Variants in MICALL2 observed in about 807,000 individuals in gnomAD.
MICALL2 encodes the protein MICAL like 2.
A neutral mutation model predicts 91.1 loss-of-function variants in MICALL2; 111 were observed. The observed-to-expected ratio is 1.22, with a 90% CI of 1.04 to 1.43. MICALL2 has a LOEUF of 1.43. MICALL2 is among the 40% of genes most tolerant of loss of function. The pLI, the probability that MICALL2 is intolerant of heterozygous loss-of-function variation, is 0.00. For missense variants in MICALL2, 1,556 were observed against 1,236.0 expected (o/e 1.26, Z -3.88); for synonymous variants, 694 against 525.3 (o/e 1.32, Z -4.39).
chr7:1,458,956 T>C (rs1244938290), intron 1 of MICALL2, among the ~76,000 whole-genome samples: 1 of 152,192 alleles, frequency 6.6e-6, no homozygotes, highest in Non-Finnish European at 1.5e-5. Flanking sequence ...GAGTCACGTC[T>C]GACTCAGCCG....
rs145198383 is a variant in MICALL2, at chr7:1,445,284, G to C, written c.786C>G (p.Ala262=). ...LTGLVPRQPG[A]MGVDSRTSCS... is the part of the protein sequence containing the mutation. ...AGGAGGTCCTGGAATCCACACCCAT[G>C]GCCCCTGGCTGTCGGGGGACCAGAC... Residue 262 remains alanine (A), a synonymous_variant, in exon 6 of 17, where the codon GCC becomes GCG. Transcript: ENST00000297508. The C allele has an allele frequency of 6.2e-7, 1 of 1,612,268 alleles. No individual in the cohort carries two copies. The highest frequency in any genetic ancestry group is 1.3e-5 in the African/African-American group (1 of 74,928).
intron 6 of MICALL2, among the ~76,000 whole-genome samples, 160 bp from the exon 7 acceptor site, chr7:1,442,644 T>TG (rs1179343654): frequency 6.9e-6 from 1 of 144,990 alleles, no homozygotes; most frequent in African/African-American, 2.6e-5. Flanking sequence ...CCCCCACCAT[T>TG]GCGCCAGGCC....
In MICALL2 at chr7:1,459,426, C is replaced by G; in HGVS notation, c.-100G>C. ...GGCGGGACAGACGCTGGGACCGCTA[C>G]GGAACCGCCAGACCCACGGCGCCCA... is the stretch of plus-strand genomic sequence containing the variant. On this transcript the variant is annotated 5_prime_UTR_variant, in exon 1 of 17. Transcript: ENST00000297508. 8.5e-7 allele frequency: 1 copy of G among 1,179,222 alleles called. No individual in the cohort carries two copies. Among genetic ancestry groups the G allele is most frequent in the Non-Finnish European group, 1.1e-6 (1 of 903,676 alleles). 73.0% of individuals were successfully genotyped at this position (1,179,222 alleles called of 1,614,324 possible).
chr7:1,455,549 C>T (rs1178321239), intron 1 of MICALL2, among the ~76,000 whole-genome samples: 1 of 147,498 alleles, frequency 6.8e-6, no homozygotes, highest in African/African-American at 2.4e-5. Flanking sequence ...GGACACCTCT[C>T]TGTACCTGTG....
rs760369735 is a variant in MICALL2 at position 1,444,789 on chromosome 7, G to A, written c.1281C>T (p.Pro427=). ...RNKFFQTSAV[P]PGTSLSGRGP... The stretch of plus-strand genomic sequence containing the variant: ...CTCTGCCAGAAAGGCTGGTGCCGGG[G>A]GGCACTGCTGATGTTTGGAAAAACT... The change falls in exon 6 of 17, where the codon CCC becomes CCT. Residue 427 remains proline, a synonymous_variant. Transcript: ENST00000297508. The A allele has an allele frequency of 2.5e-6, 4 of 1,611,712 alleles. No individual in the cohort carries two copies. Among genetic ancestry groups the A allele is most frequent in the South Asian group, 2.2e-5 (2 of 91,048 alleles).
chr7:1,454,166 T>C (rs1257384772), intron 1 of MICALL2, among the ~76,000 whole-genome samples: 1 of 71,898 alleles, frequency 1.4e-5, no homozygotes, highest in Non-Finnish European at 2.7e-5. Context: ...CGCCATGGAG[T>C]GGGGAGGGCG....
intron 3 of MICALL2, 125 bp from the exon 4 acceptor site, chr7:1,447,890 G>T: frequency 1.4e-6 from 1 of 718,526 alleles, no homozygotes; most frequent in Non-Finnish European, 2.1e-6. Context: ...GCCCAGGGCT[G>T]GGGAGAGGTA....
intron 1 of MICALL2, among the ~76,000 whole-genome samples, chr7:1,458,057 A>C (rs1455903877): frequency 6.6e-6 from 1 of 152,252 alleles, no homozygotes; most frequent in Non-Finnish European, 1.5e-5. Flanking sequence ...CAAACGCCAA[A>C]TGGAAGCCCC....
Position 1,442,335 on chromosome 7 carries a change from C to T in MICALL2, c.1568G>A (p.Ser523Asn), listed in dbSNP as rs780277245. 4.7e-5 allele frequency: 76 copies of T among 1,613,170 alleles called. No individual in the cohort carries two copies. The highest frequency in any genetic ancestry group is 6.3e-5 in the Non-Finnish European group (74 of 1,179,846). The part of the protein sequence containing the change: ...RMEPPAPLST[S>N]STSQASALPP... ...CAACGCGGATGCCTGAGAGGTACTG[C>T]TCGTGCTCAGCGGGGCTGGCGGTTC... The change falls in exon 7 of 17, where the codon AGC becomes AAC. Residue 523 changes from serine (S) to asparagine (N), a missense_variant. Coordinates refer to ENST00000297508, the MANE Select transcript of MICALL2 (RefSeq NM_182924.4).
At chr7:1,439,445 C>T (rs777806584) in intron 9 of MICALL2, 4 of 180,550 alleles carry the variant, frequency 2.2e-5, no homozygotes, top group Non-Finnish European at 4.2e-5. Context: ...CACATGGACA[C>T]ACATGCATCG....
intron 1 of MICALL2, among the ~76,000 whole-genome samples, chr7:1,456,808 G>C (rs890923565): frequency 6.6e-6 from 1 of 151,998 alleles, no homozygotes; most frequent in Non-Finnish European, 1.5e-5. Flanking sequence ...CCATACAAGC[G>C]CATGTCCCCA....
At chr7:1,435,541 G>T (rs1024392720) in intron 15 of MICALL2, among the ~76,000 whole-genome samples, 1 of 152,232 alleles carries the variant, frequency 6.6e-6, no homozygotes, top group Non-Finnish European at 1.5e-5. Context: ...GGAGGGCCTG[G>T]GCCGACCACA....
At chr7:1,454,181 G>C (rs1187342374) in intron 1 of MICALL2, among the ~76,000 whole-genome samples, 1 of 152,018 alleles carries the variant, frequency 6.6e-6, no homozygotes, top group Non-Finnish European at 1.5e-5. Context: ...AGGGCGGGGG[G>C]GTGCAGGACT....
intron 6 of MICALL2, 100 bp downstream of exon 6, chr7:1,444,552 G>A: frequency 8.3e-7 from 1 of 1,197,736 alleles, no homozygotes; most frequent in South Asian, 1.5e-5. Flanking sequence ...AGGCCACACA[G>A]CCAGGGAGGT....
intron 7 of MICALL2, 93 bp downstream of exon 7, chr7:1,442,096 CTGA>C (rs1780309032): frequency 7.3e-6 from 10 of 1,372,410 alleles, no homozygotes; most frequent in African/African-American, 2.9e-5. Flanking sequence ...GCGGGCGGGG[CTGA>C]TGATGAAACC....
Position 1,437,934 on chromosome 7 carries a change from G to C in MICALL2, c.2358C>G (p.His786Gln). The stretch of plus-strand genomic sequence containing the variant: ...CCTGTCTCAGCAGAAGCTGCTTCTC[G>C]TGAATGAGCCAGAACCAGTCCACCA... ...SLMVDWFWLI[H>Q]EKQLLLRQES... The change falls in exon 13 of 17, where the codon CAC (histidine) becomes CAG (glutamine). Residue 786 changes from histidine (H) to glutamine (Q), a missense_variant. Coordinates refer to ENST00000297508, the MANE Select transcript of MICALL2 (RefSeq NM_182924.4). The C allele has an allele frequency of 1.3e-6, 2 of 1,549,768 alleles. No individual in the cohort carries two copies. Among genetic ancestry groups the C allele is most frequent in the Non-Finnish European group, 1.7e-6 (2 of 1,147,036 alleles).
chr7:1,440,993 G>C (rs777898616), intron 7 of MICALL2: 2 of 397,686 alleles, frequency 5.0e-6, no homozygotes, highest in Non-Finnish European at 9.6e-6. Context: ...CTGTCCACCT[G>C]TGCAAGGGGA....
At chr7:1,438,775 T>C in intron 10 of MICALL2, 65 bp downstream of exon 10, 3 of 1,534,286 alleles carry the variant, frequency 2.0e-6, no homozygotes, top group East Asian at 4.6e-5. Flanking sequence ...CAGCAGGCAT[T>C]GCCTCCTCAG....
chr7:1,450,268 T>G lies in MICALL2; in HGVS notation c.164A>C (p.Lys55Thr). ...TTTATTGTTTTCATAAATATTTTCC[T>G]TCTTGAGAGCACTGAAGTTTCTGGA... ...PDLINFSALK[K>T]ENIYENNKLA... The change falls in exon 2 of 17, where the codon AAG becomes ACG. Residue 55 changes from lysine to threonine, a missense_variant. Transcript: ENST00000297508. The G allele has an allele frequency of 6.2e-7, 1 of 1,613,070 alleles. No individual in the cohort carries two copies. Among genetic ancestry groups the G allele is most frequent in the Non-Finnish European group, 8.5e-7 (1 of 1,179,880 alleles).
Sources: gnomAD v4.1 joint callset for allele counts (sites outside exome capture counted in the v4.1 genomes callset) on GRCh38, gnomAD v4.1.1 for gene constraint, MANE v1.5 for transcripts, NCBI Gene and HGNC (gene_info 2026-07-23, HGNC 2026-07-21) for gene names.